The following KLHL29 variants were observed in gnomAD, a reference collection of about 807,000 sequenced individuals.
KLHL29 encodes the protein kelch like family member 29.
KLHL29 carries 21 observed loss-of-function variants against 80.4 expected under a neutral mutation model. The observed-to-expected ratio is 0.26, with a 90% CI of 0.19 to 0.38. The LOEUF (loss-of-function observed/expected upper bound fraction) is 0.38, where lower values mean the gene tolerates loss of function less well. KLHL29 is among the 10% of genes least tolerant of loss of function. KLHL29 has a pLI of 1.00. For synonymous variants in KLHL29, 511 were observed against 526.8 expected (o/e 0.97, Z 0.41); for missense variants, 867 against 1,223.9 (o/e 0.71, Z 4.35).
rs146586273 is a variant in KLHL29 at position 23,485,834 on chromosome 2, A to T, written c.-46+10167A>T. Among the ~76,000 whole-genome samples, 14 of 152,326 alleles carry T rather than the reference A, an allele frequency of 9.2e-5. No homozygotes were observed. In the East Asian group the frequency reaches 2.7e-3, roughly 29 times the overall value. On this transcript the variant is annotated intron_variant, in intron 2 of 13. Transcript: ENST00000486442. The stretch of plus-strand genomic sequence containing the variant: ...TCATGTGCAAAATAGAGATTTTCAT[A>T]AAATTTTCTGGTGGTTGTAAGGACT...
chr2:23,593,370 G>C (rs1291381916), intron 3 of KLHL29, among the ~76,000 whole-genome samples: 1 of 152,200 alleles, frequency 6.6e-6, no homozygotes, highest in African/African-American at 2.4e-5. Flanking sequence ...GTGGAAGAGT[G>C]GGGGTGGTCA....
chr2:23,594,674 A>T (rs1373746713), intron 3 of KLHL29, among the ~76,000 whole-genome samples: 1 of 152,210 alleles, frequency 6.6e-6, no homozygotes, highest in African/African-American at 2.4e-5. Context: ...TCCACAAAGC[A>T]TTAGATGGAA....
chr2:23,474,617 A>G (rs1054259009), intron 1 of KLHL29, among the ~76,000 whole-genome samples: 1 of 152,146 alleles, frequency 6.6e-6, no homozygotes, highest in Admixed American at 6.5e-5. Context: ...GATCACGTGC[A>G]TCTCTATCAG....
rs1286610643 is a variant in KLHL29 at position 23,693,466 on chromosome 2, G to T, written c.1480G>T (p.Glu494Ter). 1 of 1,551,746 alleles carries T rather than the reference G, an allele frequency of 6.4e-7. No homozygotes were observed. The highest frequency in any genetic ancestry group is 8.7e-7 in the Non-Finnish European group (1 of 1,146,994). Residue 494 changes from glutamate (E) to a stop codon, truncating the protein, a stop_gained, in exon 8 of 14, where the codon GAG (glutamate) becomes TAG (stop). Transcript: ENST00000486442. LOFTEE classifies it high-confidence loss of function. ...CAACGACAGCCTCAACACCAAGGCT[G>T]AGGAGCTGGTGTACGAGACAGTCAT... ...VSNDSLNTKA[E>*]ELVYETVIKW...
chr2:23,664,456 G>A (rs902145715), intron 5 of KLHL29, among the ~76,000 whole-genome samples: 1 of 152,204 alleles, frequency 6.6e-6, no homozygotes, highest in Non-Finnish European at 1.5e-5. Context: ...TTCTGAGTTT[G>A]TTCCTGTCTC....
In KLHL29 at chr2:23,684,912, C is replaced by A. The variant is rs953015356; in HGVS notation, c.1079+375C>A. On this transcript the variant is annotated intron_variant, in intron 6 of 13. Coordinates refer to ENST00000486442, the MANE Select transcript of KLHL29 (RefSeq NM_052920.2). This position sits in a 1 kb window ranked among gnomAD's most constrained non-coding sequence, Gnocchi z 4.4. ...TTTAAGGGATCACTACACACTGCCC[C>A]CACCGGGCCAGAGCAGGATCCCCAG... 6.6e-6 allele frequency among the ~76,000 whole-genome samples: 1 copy of A among 152,184 alleles called. No individual in the cohort carries two copies. The highest frequency in any genetic ancestry group is 2.4e-5 in the African/African-American group (1 of 41,456).
chr2:23,664,618 G>A (rs1018267164), intron 5 of KLHL29, among the ~76,000 whole-genome samples: 2 of 152,186 alleles, frequency 1.3e-5, no homozygotes, highest in African/African-American at 4.8e-5. Context: ...TCAGTTTGAT[G>A]AGTCCAGTTG....
At chr2:23,679,898 A>C (rs1313144827) in intron 5 of KLHL29, among the ~76,000 whole-genome samples, 1 of 152,056 alleles carries the variant, frequency 6.6e-6, no homozygotes, top group Non-Finnish European at 1.5e-5. Context: ...GGGAAGATCC[A>C]GGCGGAGGGG....
chr2:23,670,066 C>G (rs1023498686), intron 5 of KLHL29: 3 of 152,138 alleles, frequency 2.0e-5, no homozygotes, highest in African/African-American at 7.2e-5. Flanking sequence ...AGTTAGGCCT[C>G]TCCTTCCTGC....
intron 1 of KLHL29, among the ~76,000 whole-genome samples, chr2:23,394,216 C>T (rs1332856537): frequency 6.6e-6 from 1 of 152,158 alleles, no homozygotes; most frequent in African/African-American, 2.4e-5. Flanking sequence ...TCTCCTTTAC[C>T]TTCACTTTTC....
intron 2 of KLHL29, among the ~76,000 whole-genome samples, chr2:23,541,409 C>A (rs917673380): frequency 6.6e-6 from 1 of 152,238 alleles, no homozygotes; most frequent in Non-Finnish European, 1.5e-5. Flanking sequence ...CTCTGCCTGT[C>A]TTATGGTCTC....
At chr2:23,590,411 C>G (rs558584011) in intron 3 of KLHL29, among the ~76,000 whole-genome samples, 57 of 152,326 alleles carry the variant, frequency 3.7e-4, no homozygotes, top group African/African-American at 1.3e-3. Flanking sequence ...CACGCTCCAC[C>G]TCCTGCTCTC....
intron 3 of KLHL29, among the ~76,000 whole-genome samples, chr2:23,634,084 G>GT (rs889686445): frequency 5.3e-5 from 8 of 152,114 alleles, no homozygotes; most frequent in African/African-American, 1.9e-4. Context: ...TCTGCTGGTT[G>GT]TAAGTTCCTC....
rs114727940 is a variant in KLHL29, at chr2:23,525,564, A to C, written c.-45-36588A>C. 6.4e-3 allele frequency among the ~76,000 whole-genome samples: 969 copies of C among 152,262 alleles called. 7 individuals are homozygous for C. Among genetic ancestry groups the C allele is most frequent in the African/African-American group, 0.023 (946 of 41,568 alleles). ...AAGGGACAGTTCCTTCTGGCCAGGCAGTGGGATGGAGCTAAGGGGGAGGAG... is the reference window on the plus strand; with the variant it reads ...AAGGGACAGTTCCTTCTGGCCAGGCCGTGGGATGGAGCTAAGGGGGAGGAG... On this transcript the variant is annotated intron_variant, in intron 2 of 13. Coordinates refer to ENST00000486442, the MANE Select transcript of KLHL29 (RefSeq NM_052920.2).
intron 3 of KLHL29, among the ~76,000 whole-genome samples, chr2:23,636,703 A>G (rs571999044): frequency 6.6e-6 from 1 of 152,366 alleles, no homozygotes; most frequent in African/African-American, 2.4e-5. Context: ...AGCAGAAGAA[A>G]CAAACTAAAT....
chr2:23,645,772 T>C lies in KLHL29; in HGVS notation c.940+2922T>C, dbSNP rs566523779. 1.1e-4 allele frequency among the ~76,000 whole-genome samples: 17 copies of C among 152,316 alleles called. No individual in the cohort carries two copies. The South Asian group carries it at 3.5e-3, about 32-fold the overall frequency. On this transcript the variant is annotated intron_variant, in intron 5 of 13. Transcript: ENST00000486442. ...CTGATCGACTGAGCTCAAATTTCAG[T>C]TGGGGCCCTATTAGTCTGCCTTTCC... is the stretch of plus-strand genomic sequence containing the variant.
At chr2:23,571,365 G>A (rs2103502662) in intron 3 of KLHL29, among the ~76,000 whole-genome samples, 1 of 152,358 alleles carries the variant, frequency 6.6e-6, no homozygotes, top group Non-Finnish European at 1.5e-5. Context: ...CTCGTGGTCT[G>A]TAGTGGGCAT....
chr2:23,493,129 G>A (rs1665155211), intron 2 of KLHL29, among the ~76,000 whole-genome samples: 1 of 152,182 alleles, frequency 6.6e-6, no homozygotes, highest in South Asian at 2.1e-4. Flanking sequence ...ATGACGTAAG[G>A]TAGAGCACTT....
chr2:23,642,863 GCCACGTGCCTCC>G lies in KLHL29; in HGVS notation c.940+19_940+30del. 2 of 1,550,234 alleles carry G rather than the reference GCCACGTGCCTCC, an allele frequency of 1.3e-6. No homozygotes were observed. Among genetic ancestry groups the G allele is most frequent in the South Asian group, 1.2e-5 (1 of 84,032 alleles). On this transcript the variant is annotated intron_variant, in intron 5 of 13. Coordinates refer to ENST00000486442, the MANE Select transcript of KLHL29 (RefSeq NM_052920.2). ...GGGCACCCCAGAGGTAAGTCCTGCT[GCCACGTGCCTCC>G]CCACGGGCCTGCGTCTGCACCTCCC...
Sources: gnomAD v4.1 joint callset for allele counts (sites outside exome capture counted in the v4.1 genomes callset) on GRCh38, gnomAD v4.1.1 for gene constraint, Gnocchi (gnomAD v3.1) non-coding constraint, MANE v1.5 for transcripts, NCBI Gene and HGNC (gene_info 2026-07-23, HGNC 2026-07-21) for gene names.